The following ARHGAP9 variants were observed in gnomAD, a reference collection of about 807,000 sequenced individuals.
ARHGAP9 encodes the protein rho GTPase-activating protein 9.
In ARHGAP9, 76 loss-of-function variants were observed where a neutral mutation model predicts 87.3. The ratio of observed to expected loss-of-function variants is 0.87; its 90% CI spans 0.72 to 1.05. ARHGAP9 has a LOEUF of 1.05. Among genes scored for constraint, ARHGAP9 ranks in the 50% least tolerant of loss-of-function variants. ARHGAP9 has a pLI of 0.00. For missense variants in ARHGAP9, 941 were observed against 960.5 expected, an observed-to-expected ratio of 0.98 and a Z score of 0.27; for synonymous variants, 382 against 394.9, an observed-to-expected ratio of 0.97 and a Z score of 0.39.
intron 3 of ARHGAP9, chr12:57,478,040 T>A: frequency 1.0e-6 from 1 of 992,458 alleles, no homozygotes; most frequent in Non-Finnish European, 1.3e-6. Context: ...GAGAAGGGTC[T>A]ACAGAAGGGA....
chr12:57,472,803 ATGGT>A lies in ARHGAP9; in HGVS notation c.2025-119_2025-116del. On this transcript the variant is annotated intron_variant, in intron 17 of 17. Coordinates refer to ENST00000393791, the MANE Select transcript of ARHGAP9 (RefSeq NM_032496.4). Reference sequence around the variant, plus strand: ...AGAGTTCACTCTGGGATTCCTCCACATGGTAACAAAAAAACCAAGGAGATACAAG... The same window carrying A: ...AGAGTTCACTCTGGGATTCCTCCACAAACAAAAAAACCAAGGAGATACAAG... 7.9e-6 allele frequency: 9 copies of A among 1,133,964 alleles called. No individual in the cohort carries two copies. In the Admixed American group the frequency reaches 1.1e-4, roughly 14 times the overall value. The allele number at this position is 1,133,964 out of a possible 1,614,324, so 70.2% of individuals were successfully genotyped here.
chr12:57,476,269 T>C (rs1873626580), intron 8 of ARHGAP9, 95 bp downstream of exon 8: 1 of 1,518,098 alleles, frequency 6.6e-7, no homozygotes, highest in Non-Finnish European at 8.9e-7. Context: ...ACTTCTTTAC[T>C]TTCCTCTGCA....
chr12:57,479,155 T>C lies in ARHGAP9; in HGVS notation c.252A>G (p.Ile84Met). The change falls in exon 2 of 18, where the codon ATA becomes ATG. Residue 84 changes from isoleucine (I) to methionine (M), a missense_variant. Ile to Met is a conservative substitution (Grantham distance 10). Coordinates refer to ENST00000393791, the MANE Select transcript of ARHGAP9 (RefSeq NM_032496.4). ...RPIFVPAAYM[I>M]EESIPSQSPT... ...GACTCTGGGAAGGGATGGATTCCTC[T>C]ATCATATAGGCTGCTGGGACGAAGA... The C allele has an allele frequency of 1.9e-6, 3 of 1,614,214 alleles. No homozygotes were observed. In the South Asian group the frequency reaches 3.3e-5, roughly 18 times the overall value.
chr12:57,472,675 A>G lies in ARHGAP9; in HGVS notation c.2038T>C (p.Ser680Pro). 1 of 1,614,168 alleles carries G rather than the reference A, an allele frequency of 6.2e-7. No homozygotes were observed. Among genetic ancestry groups the G allele is most frequent in the Non-Finnish European group, 8.5e-7 (1 of 1,180,022 alleles). ...TGGGGTGTCATGCGATTCTTATCTG[A>G]GTGTGCTATCACCCTGTAAGCAAAG... ...LEHLCRVIAH[S>P]DKNRMTPHNL... Residue 680 changes from serine to proline, a missense_variant, in exon 18 of 18, where the codon TCA becomes CCA. Coordinates refer to ENST00000393791, the MANE Select transcript of ARHGAP9 (RefSeq NM_032496.4).
intron 2 of ARHGAP9, 95 bp from the exon 3 acceptor site, chr12:57,478,852 G>C: frequency 7.9e-7 from 1 of 1,259,942 alleles, no homozygotes; most frequent in Non-Finnish European, 1.1e-6. Flanking sequence ...AAGACAAGAA[G>C]GGCAGAGGGA....
At chr12:57,476,720 G>A in intron 6 of ARHGAP9, 69 bp from the exon 7 acceptor site, 2 of 1,603,612 alleles carry the variant, frequency 1.2e-6, no homozygotes. Context: ...CTTTCCCTAG[G>A]GGGTCTCCCA....
rs984971325 is a variant in ARHGAP9 at position 57,475,205 on chromosome 12, C to A, written c.1552+86G>T. On this transcript the variant is annotated intron_variant, in intron 12 of 17. Transcript: ENST00000393791. ...TGGGGTAGTGGGAAAGCAGCAGTCA[C>A]AGAAGGTTGTGGTCTAGTTCTGGGA... 2.2e-6 allele frequency: 3 copies of A among 1,370,400 alleles called. No individual in the cohort carries two copies. The East Asian group carries it at 7.5e-5, about 34-fold the overall frequency. The allele number at this position is 1,370,400 out of a possible 1,614,324, so 84.9% of individuals were successfully genotyped here. A position where few individuals can be genotyped will look rare whatever the true frequency, so the allele number is the denominator to read the frequency against.
At chr12:57,488,212 G>C in intron 1 of ARHGAP9, 2 of 1,603,680 alleles carry the variant, frequency 1.2e-6, no homozygotes, top group Non-Finnish European at 1.7e-6. Flanking sequence ...ACTCGTGCTG[G>C]TGCTGGTGGG....
At chr12:57,479,598 G>T in intron 1 of ARHGAP9, 132 bp downstream of exon 1, 2 of 1,532,314 alleles carry the variant, frequency 1.3e-6, no homozygotes, top group South Asian at 2.5e-5. Context: ...TTTGGGGGCT[G>T]AGAACTCCTG....
At chr12:57,477,896 T>A in intron 3 of ARHGAP9, 1 of 1,344,574 alleles carries the variant, frequency 7.4e-7, no homozygotes, top group Non-Finnish European at 9.6e-7. Context: ...CCTCACTTCC[T>A]GTTGCCAACT....
In ARHGAP9 at chr12:57,478,706, C is replaced by T; in HGVS notation, c.368G>A (p.Ser123Asn). 3 of 1,613,932 alleles carry T rather than the reference C, an allele frequency of 1.9e-6. No individual in the cohort carries two copies. Among genetic ancestry groups the T allele is most frequent in the Non-Finnish European group, 2.5e-6 (3 of 1,179,870 alleles). ...SLEELSQALP[S>N]RAQASSEQPP... ...CTGCTCCGAGCTAGCCTGAGCCCTG[C>T]TTGGGAGGGCCTGAGACAACTCCTC... is the stretch of plus-strand genomic sequence containing the variant. Residue 123 changes from serine to asparagine, a missense_variant, in exon 3 of 18, where the codon AGC becomes AAC. Coordinates refer to ENST00000393791, the MANE Select transcript of ARHGAP9 (RefSeq NM_032496.4).
At position 57,474,178 on chromosome 12, in the gene ARHGAP9, T is replaced by A; in HGVS notation, c.1784-2A>T. On this transcript the variant is annotated splice_acceptor_variant, in intron 15 of 17. Transcript: ENST00000393791. LOFTEE classifies it high-confidence loss of function. ...TACTGTCCAAATCTAACCGACCTTC[T>A]GGAGGGAGAAGGAGGTATAGGGGCT... is the stretch of plus-strand genomic sequence containing the variant. 1 of 1,611,062 alleles carries A rather than the reference T, an allele frequency of 6.2e-7. No individual in the cohort carries two copies. The highest frequency in any genetic ancestry group is 1.3e-5 in the African/African-American group (1 of 74,912).
chr12:57,478,167 C>G (rs1301526937), intron 3 of ARHGAP9: 2 of 310,038 alleles, frequency 6.5e-6, no homozygotes, highest in Non-Finnish European at 1.2e-5. Flanking sequence ...AAACCCTGCC[C>G]TGGGCTAGGA....
At chr12:57,484,266 C>T (rs1291683682), upstream of ARHGAP9, among the ~76,000 whole-genome samples, 5 of 150,874 alleles carry the variant, frequency 3.3e-5, no homozygotes, top group Non-Finnish European at 7.4e-5. Flanking sequence ...GCAGGAGAAT[C>T]GCTTGAACCC....
Position 57,472,480 on chromosome 12 carries a change from T to C in ARHGAP9, c.*37A>G, listed in dbSNP as rs1565605600. ...AACACCAGCCTCTCACCACCAGAGA[T>C]GACCGGAAATATGTTTTCTCTTCTT... On this transcript the variant is annotated 3_prime_UTR_variant, in exon 18 of 18. Coordinates refer to ENST00000393791, the MANE Select transcript of ARHGAP9 (RefSeq NM_032496.4). The C allele has an allele frequency of 1.2e-6, 2 of 1,605,378 alleles. No homozygotes were observed. Among genetic ancestry groups the C allele is most frequent in the Non-Finnish European group, 1.7e-6 (2 of 1,174,982 alleles).
intron 1 of ARHGAP9, among the ~76,000 whole-genome samples, chr12:57,486,468 C>T (rs1875406562): frequency 6.6e-6 from 1 of 151,910 alleles, no homozygotes; most frequent in Non-Finnish European, 1.5e-5. Context: ...AGGGGTTTCA[C>T]CACGTTGGCC....
Position 57,478,610 on chromosome 12 carries a change from G to A in ARHGAP9, c.464C>T (p.Pro155Leu), listed in dbSNP as rs2030952618. 11 of 1,614,108 alleles carry A rather than the reference G, an allele frequency of 6.8e-6. No individual in the cohort carries two copies. Among genetic ancestry groups the A allele is most frequent in the Non-Finnish European group, 9.3e-6 (11 of 1,180,028 alleles). ...TCTTCCGCTTGGTCCTTCCTGGAAA[G>A]GCTTCAGAAGGCTGGGGCTCAGATT... ...TDNLSPSLLK[P>L]FQEGPSGRSL... Residue 155 changes from proline to leucine, a missense_variant, in exon 3 of 18, where the codon CCT (proline) becomes CTT (leucine). Pro to Leu is a moderately conservative substitution (Grantham distance 98). Coordinates refer to ENST00000393791, the MANE Select transcript of ARHGAP9 (RefSeq NM_032496.4).
chr12:57,473,996 C>A, intron 16 of ARHGAP9, 46 bp downstream of exon 16: 1 of 1,584,948 alleles, frequency 6.3e-7, no homozygotes, highest in South Asian at 1.1e-5. Context: ...TATTTACCAC[C>A]CGTGTCCCCC....
rs990631372 is a variant in ARHGAP9 at position 57,476,225 on chromosome 12, C to T, written c.1117-59G>A. 3.3e-6 allele frequency: 5 copies of T among 1,499,394 alleles called. No homozygotes were observed. In the East Asian group the frequency reaches 9.9e-5, roughly 30 times the overall value. The allele number at this position is 1,499,394 out of a possible 1,614,324, so 92.9% of individuals were successfully genotyped here. On this transcript the variant is annotated intron_variant, in intron 8 of 17. Coordinates refer to ENST00000393791, the MANE Select transcript of ARHGAP9 (RefSeq NM_032496.4). ...TTGTTTCCTTCACTGCTTCCCTCTC[C>T]CCGGTGGGCTGTGAGGAGGTGGGAG...
Sources: gnomAD v4.1 joint callset for allele counts (sites outside exome capture counted in the v4.1 genomes callset) on GRCh38, gnomAD v4.1.1 for gene constraint, MANE v1.5 for transcripts, NCBI Gene and HGNC (gene_info 2026-07-23, HGNC 2026-07-21) for gene names.